Variants in GRM5 observed in about 807,000 individuals in gnomAD.
GRM5 encodes glutamate metabotropic receptor 5.
In GRM5, 19 loss-of-function variants were observed where a neutral mutation model predicts 83.1. That is an observed-to-expected ratio of 0.23 (90% confidence interval 0.16 to 0.34). The LOEUF is 0.34. Among genes scored for constraint, GRM5 ranks in the 10% least tolerant of loss-of-function variants. The pLI, the probability that GRM5 is intolerant of heterozygous loss-of-function variation, is 1.00. For missense variants in GRM5, 1,160 were observed against 1,588.3 expected, an observed-to-expected ratio of 0.73 and a Z score of 4.58; for synonymous variants, 675 against 633.6, an observed-to-expected ratio of 1.07 and a Z score of -0.98.
chr11:89,035,076 A>G (rs1941353879), intron 2 of GRM5, among the ~76,000 whole-genome samples: 1 of 151,668 alleles, frequency 6.6e-6, no homozygotes, highest in Non-Finnish European at 1.5e-5. Context: ...ATTATAAGAA[A>G]TGAATGAATG....
At position 88,505,005 on chromosome 11, in the gene GRM5, A is replaced by T. The variant is rs1417327348; in HGVS notation, c.*3587T>A. The T allele has an allele frequency of 6.6e-6, 1 of 152,152 alleles. No individual in the cohort carries two copies. The highest frequency in any genetic ancestry group is 1.5e-5 in the Non-Finnish European group (1 of 68,004). The allele number at this position is 152,152 out of a possible 1,614,324, so 9.4% of individuals were successfully genotyped here. A position where few individuals can be genotyped will look rare whatever the true frequency, so the allele number is the denominator to read the frequency against. On this transcript the variant is annotated 3_prime_UTR_variant, in exon 10 of 10. Coordinates refer to ENST00000305447, the MANE Select transcript of GRM5 (RefSeq NM_001143831.3). ...ATCAGCAGCTGCCATTGATTTCTAG[A>T]AATACACACAATATACATAGTATAT...
chr11:88,847,985 C>A (rs1291529891), intron 3 of GRM5, among the ~76,000 whole-genome samples: 2 of 152,120 alleles, frequency 1.3e-5, no homozygotes, highest in Non-Finnish European at 2.9e-5. Flanking sequence ...TGACTGAAAA[C>A]AAATGCTGCT....
At chr11:88,857,176 C>T (rs1257386935) in intron 2 of GRM5, among the ~76,000 whole-genome samples, 3 of 151,978 alleles carry the variant, frequency 2.0e-5, no homozygotes, top group East Asian at 1.9e-4. Flanking sequence ...AGCAAACTTG[C>T]TCTCCAACAA....
At chr11:88,785,532 A>G (rs2135467962) in intron 3 of GRM5, among the ~76,000 whole-genome samples, 1 of 152,238 alleles carries the variant, frequency 6.6e-6, no homozygotes, top group East Asian at 1.9e-4. Context: ...TAAAATAATT[A>G]GGCAGATGAA....
At chr11:88,665,186 C>CACACACAG (rs1489530682) in intron 3 of GRM5, among the ~76,000 whole-genome samples, 1 of 151,826 alleles carries the variant, frequency 6.6e-6, no homozygotes, top group African/African-American at 2.4e-5. Flanking sequence ...CACACACACA[C>CACACACAG]ACACATCCCT....
At position 88,569,647 on chromosome 11, in the gene GRM5, C is replaced by T. The variant is rs554565670; in HGVS notation, c.1691-1655G>A. ...CTACAGCTCCAGCAGTTGTTTTGGACTTCAAGGTAACTTGAAGGACAGAAA... is the reference window on the plus strand; with the variant it reads ...CTACAGCTCCAGCAGTTGTTTTGGATTTCAAGGTAACTTGAAGGACAGAAA... On this transcript the variant is annotated intron_variant, in intron 7 of 9. Transcript: ENST00000305447. 2.0e-5 allele frequency among the ~76,000 whole-genome samples: 3 copies of T among 152,260 alleles called. No individual in the cohort carries two copies. In the East Asian group the frequency reaches 5.8e-4, roughly 29 times the overall value.
At chr11:88,963,118 A>C (rs1337515131) in intron 2 of GRM5, among the ~76,000 whole-genome samples, 1 of 152,134 alleles carries the variant, frequency 6.6e-6, no homozygotes, top group African/African-American at 2.4e-5. Context: ...ACAAACAAAA[A>C]AAACTTACCA....
In GRM5 at chr11:88,556,384, G is replaced by T. The variant is rs561712460; in HGVS notation, c.2630+10669C>A. The stretch of plus-strand genomic sequence containing the variant: ...GTCACCTAGGCTGGAGTGCAATGGC[G>T]CAATCTTGGCTCACTGCAATCTCCA... On this transcript the variant is annotated intron_variant, in intron 8 of 9. Coordinates refer to ENST00000305447, the MANE Select transcript of GRM5 (RefSeq NM_001143831.3). Among the ~76,000 whole-genome samples the T allele has an allele frequency of 1.1e-4, 17 of 148,992 alleles. 1 individual carries two copies. In the East Asian group the frequency reaches 3.2e-3, roughly 28 times the overall value.
At chr11:88,600,156 A>G (rs181419102) in intron 5 of GRM5, among the ~76,000 whole-genome samples, 1 of 152,168 alleles carries the variant, frequency 6.6e-6, no homozygotes, top group Admixed American at 6.5e-5. Context: ...ATAAATCTCC[A>G]GCCCAGTTTC....
At chr11:89,037,293 C>T (rs1465266251) in intron 2 of GRM5, among the ~76,000 whole-genome samples, 1 of 152,018 alleles carries the variant, frequency 6.6e-6, no homozygotes, top group Non-Finnish European at 1.5e-5. Context: ...TTAAAATGCT[C>T]CCAGCCTGTC....
chr11:88,613,770 T>G (rs2135245418), intron 4 of GRM5, among the ~76,000 whole-genome samples: 1 of 152,310 alleles, frequency 6.6e-6, no homozygotes, highest in African/African-American at 2.4e-5. Context: ...GAACACTTCC[T>G]TCATGAAGAC....
chr11:89,016,224 T>C (rs1940851230), intron 2 of GRM5, among the ~76,000 whole-genome samples: 1 of 149,438 alleles, frequency 6.7e-6, no homozygotes, highest in South Asian at 2.1e-4. Context: ...TATTTATTTA[T>C]ATATACCATA....
intron 8 of GRM5, among the ~76,000 whole-genome samples, chr11:88,548,491 G>A (rs927892512): frequency 6.6e-5 from 10 of 152,042 alleles, no homozygotes; most frequent in African/African-American, 1.2e-4. Flanking sequence ...TTCATTATGC[G>A]AAGGGAGTGT....
chr11:89,050,942 T>TG (rs1465084875), intron 1 of GRM5, among the ~76,000 whole-genome samples: 2 of 152,074 alleles, frequency 1.3e-5, no homozygotes, highest in Admixed American at 6.5e-5. Flanking sequence ...CAACATACTC[T>TG]GGGGCCTGCT....
At chr11:88,648,854 A>G (rs1939542380) in intron 4 of GRM5, among the ~76,000 whole-genome samples, 1 of 151,554 alleles carries the variant, frequency 6.6e-6, no homozygotes, top group South Asian at 2.1e-4. Context: ...GACATGGTAA[A>G]ATGGCTTAAC....
intron 3 of GRM5, among the ~76,000 whole-genome samples, chr11:88,720,213 A>G (rs1385115393): frequency 1.3e-5 from 2 of 152,092 alleles, no homozygotes; most frequent in Middle Eastern, 3.2e-3. Context: ...GAAGGTCTCT[A>G]CTATACACCA....
At position 88,900,012 on chromosome 11, in the gene GRM5, A is replaced by T. The variant is rs190913284; in HGVS notation, c.662-49857T>A. Among the ~76,000 whole-genome samples, 222 of 152,238 alleles carry T rather than the reference A, an allele frequency of 1.5e-3. 1 individual carries two copies. The highest frequency in any genetic ancestry group is 5.0e-3 in the African/African-American group (209 of 41,566). On this transcript the variant is annotated intron_variant, in intron 2 of 9. Transcript: ENST00000305447. ...ATTAGGAATAACTAGTTAGATATGGAGACCGTCTCATATTAATTATTTATT... is the reference window on the plus strand; with the variant it reads ...ATTAGGAATAACTAGTTAGATATGGTGACCGTCTCATATTAATTATTTATT...
At chr11:88,828,817 A>G (rs1213456980) in intron 3 of GRM5, among the ~76,000 whole-genome samples, 3 of 152,058 alleles carry the variant, frequency 2.0e-5, no homozygotes, top group African/African-American at 7.2e-5. Context: ...GGCTTTTCTC[A>G]TTATTAGCAA....
intron 2 of GRM5, among the ~76,000 whole-genome samples, chr11:89,044,647 A>G (rs1444307076): frequency 2.0e-5 from 3 of 152,312 alleles, no homozygotes; most frequent in African/African-American, 7.2e-5. Context: ...GGAAATTTCC[A>G]TACTCTTCAA....
Sources: gnomAD v4.1 joint callset for allele counts (sites outside exome capture counted in the v4.1 genomes callset) on GRCh38, gnomAD v4.1.1 for gene constraint, MANE v1.5 for transcripts, NCBI Gene and HGNC (gene_info 2026-07-23, HGNC 2026-07-21) for gene names.